MICAL3: variants seen among roughly 807,000 people sequenced by gnomAD.
MICAL3 encodes the protein microtubule associated monooxygenase, calponin and LIM domain containing 3, also known as [F-actin]-monooxygenase MICAL3.
A neutral mutation model predicts 207.4 loss-of-function variants in MICAL3; 62 were observed. That is an observed-to-expected ratio of 0.30 (90% confidence interval 0.24 to 0.37). The LOEUF (loss-of-function observed/expected upper bound fraction) is 0.37, where lower values mean the gene tolerates loss of function less well. MICAL3 is among the 10% of genes least tolerant of loss of function. The pLI is 1.00. For missense variants in MICAL3, 2,368 were observed against 2,635.6 expected, an observed-to-expected ratio of 0.90 and a Z score of 2.22; for synonymous variants, 1,077 against 1,069.3, an observed-to-expected ratio of 1.01 and a Z score of -0.14.
At chr22:17,877,608 G>GTTAGGGAAGTTATGGAGGTT (rs1928986136) in intron 16 of MICAL3, among the ~76,000 whole-genome samples, 4 of 151,622 alleles carry the variant, frequency 2.6e-5, no homozygotes, top group African/African-American at 9.7e-5. Flanking sequence ...GGTTATGGAG[G>GTTAGGGAAGTTATGGAGGTT]ATGGCAGCAG....
chr22:17,877,521 A>AT (rs1928923268), intron 16 of MICAL3, among the ~76,000 whole-genome samples: 7 of 134,170 alleles, frequency 5.2e-5, no homozygotes, highest in South Asian at 2.3e-4. Context: ...TAGGGAGGTT[A>AT]GGGAGGTGAG....
At position 17,906,891 on chromosome 22, in the gene MICAL3, CAAAA is replaced by C; in HGVS notation, c.-74-9_-74-6del. 1.4e-6 allele frequency: 2 copies of C among 1,389,364 alleles called. No homozygotes were observed. Among genetic ancestry groups the C allele is most frequent in the South Asian group, 1.4e-5 (1 of 69,684 alleles). The allele number at this position is 1,389,364 out of a possible 1,614,324, so 86.1% of individuals were successfully genotyped here. A position where few individuals can be genotyped will look rare whatever the true frequency, so the allele number is the denominator to read the frequency against. On this transcript the variant is annotated splice_region_variant and splice_polypyrimidine_tract_variant and intron_variant, in intron 1 of 31. Coordinates refer to ENST00000441493, the MANE Select transcript of MICAL3 (RefSeq NM_015241.3). The stretch of plus-strand genomic sequence containing the variant: ...ACCTGACACTGTCACGTTAATCTGA[CAAAA>C]AGAAAGAAAAACGTGGTTAGCATTT...
chr22:17,848,061 C>T (rs1337709800), intron 19 of MICAL3, among the ~76,000 whole-genome samples: 1 of 152,192 alleles, frequency 6.6e-6, no homozygotes, highest in Non-Finnish European at 1.5e-5. Flanking sequence ...GCCATGAACC[C>T]ATTCTGAACC....
chr22:17,963,145 C>T (rs185970799), intron 1 of MICAL3, among the ~76,000 whole-genome samples: 279 of 152,280 alleles, frequency 1.8e-3, no homozygotes, highest in African/African-American at 6.5e-3. Flanking sequence ...ACGGGTCTCA[C>T]TCTGTCGCCC....
At chr22:17,807,108 T>C (rs2061996803) in intron 29 of MICAL3, among the ~76,000 whole-genome samples, 1 of 152,242 alleles carries the variant, frequency 6.6e-6, no homozygotes, top group South Asian at 2.1e-4. Flanking sequence ...TCTGTCTGTG[T>C]GTTGAGATCT....
Position 17,859,708 on chromosome 22 carries a change from C to T in MICAL3, c.2605+5191G>A, listed in dbSNP as rs1024046808. Among the ~76,000 whole-genome samples, 8 of 152,186 alleles carry T rather than the reference C, an allele frequency of 5.3e-5. No individual in the cohort carries two copies. In the South Asian group the frequency reaches 6.2e-4, roughly 12 times the overall value. On this transcript the variant is annotated intron_variant, in intron 19 of 31. Transcript: ENST00000441493. The stretch of plus-strand genomic sequence containing the variant: ...GGGCACGCCTGGCAGAGCCTCCAGG[C>T]GGAAGACAGACACGCCCCTGGCCCC...
intron 1 of MICAL3, among the ~76,000 whole-genome samples, chr22:17,932,290 C>T (rs894759775): frequency 2.0e-5 from 3 of 152,142 alleles, no homozygotes; most frequent in Admixed American, 6.5e-5. Context: ...GGGCAGAAAC[C>T]CTACAAGCCA....
intron 19 of MICAL3, among the ~76,000 whole-genome samples, chr22:17,857,176 G>A (rs1003928866): frequency 6.6e-6 from 1 of 152,166 alleles, no homozygotes; most frequent in Admixed American, 6.5e-5. Flanking sequence ...GCCCGGGCTG[G>A]GTCATAGACC....
chr22:17,843,606 G>A (rs1924302921), intron 19 of MICAL3, among the ~76,000 whole-genome samples: 1 of 152,188 alleles, frequency 6.6e-6, no homozygotes, highest in African/African-American at 2.4e-5. Context: ...ATACTCATGT[G>A]GGGGTGCGTG....
At chr22:17,924,186 A>G (rs934580709) in intron 1 of MICAL3, among the ~76,000 whole-genome samples, 1 of 152,174 alleles carries the variant, frequency 6.6e-6, no homozygotes, top group Non-Finnish European at 1.5e-5. Flanking sequence ...TTGGGTGGGT[A>G]CACAGCCAAA....
rs951998487 is a variant in MICAL3 at position 17,900,743 on chromosome 22, G to C, written c.847+99C>G. 1 of 993,110 alleles carries C rather than the reference G, an allele frequency of 1.0e-6. No homozygotes were observed. The highest frequency in any genetic ancestry group is 2.5e-5 in the East Asian group (1 of 40,614). The allele number at this position is 993,110 out of a possible 1,614,324, so 61.5% of individuals were successfully genotyped here. A position where few individuals can be genotyped will look rare whatever the true frequency, so the allele number is the denominator to read the frequency against. ...AGCAGGAGGGGCAGACAGTGCAGGAGGGACACCGACGGCCACTCACCCCAC... is the reference window on the plus strand; with the variant it reads ...AGCAGGAGGGGCAGACAGTGCAGGACGGACACCGACGGCCACTCACCCCAC... On this transcript the variant is annotated intron_variant, in intron 6 of 31. Transcript: ENST00000441493. This position sits in a 1 kb window ranked among gnomAD's most constrained non-coding sequence, Gnocchi z 4.0.
At chr22:17,872,718 G>C in intron 16 of MICAL3, 1 of 1,366,630 alleles carries the variant, frequency 7.3e-7, no homozygotes, top group Non-Finnish European at 1.0e-6. Flanking sequence ...GCTGGGTCTA[G>C]CTACACAGTG....
At chr22:17,908,118 G>A (rs948976331) in intron 1 of MICAL3, among the ~76,000 whole-genome samples, 2 of 152,108 alleles carry the variant, frequency 1.3e-5, no homozygotes, top group African/African-American at 4.8e-5. Context: ...GGAGGCAAAA[G>A]GACAAAGGAC....
intron 16 of MICAL3, chr22:17,879,308 C>A: frequency 6.3e-7 from 1 of 1,579,554 alleles, no homozygotes; most frequent in South Asian, 1.2e-5. Flanking sequence ...GTGTGCTTGG[C>A]TCTCAGCATC....
At chr22:17,809,871 AG>A (rs1055447927) in intron 28 of MICAL3, among the ~76,000 whole-genome samples, 18 of 151,806 alleles carry the variant, frequency 1.2e-4, no homozygotes, top group Non-Finnish European at 2.2e-4. Flanking sequence ...AACTCAATGC[AG>A]GGTTCTTCCT....
intron 1 of MICAL3, among the ~76,000 whole-genome samples, chr22:17,974,724 A>T (rs971360346): frequency 1.6e-5 from 1 of 62,226 alleles, no homozygotes; most frequent in Admixed American, 1.3e-4. Context: ...ACTCCGTCTT[A>T]AAAAAAAAAA....
rs1309299742 is a variant in MICAL3 at position 17,972,509 on chromosome 22, A to G, written c.-75+51772T>C. 2.0e-5 allele frequency among the ~76,000 whole-genome samples: 3 copies of G among 152,300 alleles called. No homozygotes were observed. In the East Asian group the frequency reaches 5.8e-4, roughly 29 times the overall value. On this transcript the variant is annotated intron_variant, in intron 1 of 31. Coordinates refer to ENST00000441493, the MANE Select transcript of MICAL3 (RefSeq NM_015241.3). ...CAAGGCACATCGGGGAGGGGTAAGC[A>G]CACAGAAAGGTTGAGCCCGCCTACA...
chr22:17,855,032 C>T lies in MICAL3; in HGVS notation c.2605+9867G>A, dbSNP rs570722516. ...ACCTCCAACCTGAGAGCTCTGAGTG[C>T]CCCTGCCACAGTGTGCCTTGCCGAG... is the stretch of plus-strand genomic sequence containing the variant. On this transcript the variant is annotated intron_variant, in intron 19 of 31. Transcript: ENST00000441493. 6.6e-5 allele frequency among the ~76,000 whole-genome samples: 10 copies of T among 152,326 alleles called. 1 individual carries two copies. Among genetic ancestry groups the T allele is most frequent in the Admixed American group, 2.0e-4 (3 of 15,306 alleles).
intron 19 of MICAL3, chr22:17,860,037 C>T: frequency 3.8e-6 from 1 of 261,938 alleles, no homozygotes; most frequent in South Asian, 1.4e-4. Context: ...CTTGCTGACC[C>T]CCCGGAGTGG....
Sources: allele counts gnomAD v4.1 joint callset (sites outside exome capture counted in the v4.1 genomes callset), GRCh38; gene constraint gnomAD v4.1.1; non-coding constraint Gnocchi (gnomAD v3.1); transcripts MANE v1.5; gene names NCBI Gene and HGNC (gene_info 2026-07-23, HGNC 2026-07-21).